Variants in PIBF1 observed in about 807,000 individuals in gnomAD.
The protein encoded by PIBF1 is progesterone immunomodulatory binding factor 1, also known as progesterone-induced-blocking factor 1.
Under a neutral mutation model 112.5 loss-of-function variants are expected in PIBF1, and 90 were observed. The ratio of observed to expected loss-of-function variants is 0.80; its 90% CI spans 0.67 to 0.95. The LOEUF is 0.95. PIBF1 is among the 40% of genes least tolerant of loss of function. PIBF1 has a pLI of 0.00. For missense variants in PIBF1, 915 were observed against 852.3 expected, an observed-to-expected ratio of 1.07 and a Z score of -0.92; for synonymous variants, 301 against 288.6, an observed-to-expected ratio of 1.04 and a Z score of -0.44.
intron 16 of PIBF1, among the ~76,000 whole-genome samples, chr13:72,978,372 A>T (rs977893537): frequency 6.6e-6 from 1 of 152,188 alleles, no homozygotes; most frequent in African/African-American, 2.4e-5. Flanking sequence ...AGAGTTAAAT[A>T]ACTCAACTGT....
intron 5 of PIBF1, among the ~76,000 whole-genome samples, chr13:72,802,925 G>A (rs2035552854): frequency 6.6e-6 from 1 of 152,192 alleles, no homozygotes; most frequent in Non-Finnish European, 1.5e-5. Context: ...AGAATTTTAT[G>A]TCCAGGAAAT....
At chr13:72,977,719 A>T (rs912389216) in intron 16 of PIBF1, among the ~76,000 whole-genome samples, 4 of 152,208 alleles carry the variant, frequency 2.6e-5, no homozygotes, top group Non-Finnish European at 5.9e-5. Flanking sequence ...TAGCTCAAAA[A>T]TATTAGCTTA....
intron 10 of PIBF1, among the ~76,000 whole-genome samples, chr13:72,886,439 C>G (rs58596257): frequency 0.1 from 15,316 of 151,444 alleles, 2,189 homozygotes; most frequent in African/African-American, 0.32. Flanking sequence ...TTTTATAACA[C>G]TGTTATAAAA....
At chr13:72,915,026 A>T (rs1566442072) in intron 12 of PIBF1, among the ~76,000 whole-genome samples, 2 of 152,236 alleles carry the variant, frequency 1.3e-5, no homozygotes, top group Admixed American at 6.5e-5. Context: ...ATAATAAAAA[A>T]TAATACATTT....
At chr13:72,799,346 A>G (rs1323636400) in intron 5 of PIBF1, among the ~76,000 whole-genome samples, 3 of 152,198 alleles carry the variant, frequency 2.0e-5, no homozygotes, top group African/African-American at 7.2e-5. Context: ...TTGCTGTACT[A>G]TTAGTCTTAG....
rs115837821 is a variant in PIBF1 at position 72,936,108 on chromosome 13, G to A, written c.1833+4841G>A. ...AGTGGTGTAATCATAGCTCATTGCAGCCTCGAACTCTTGGACTCAAGAGCC... is the reference window on the plus strand; with the variant it reads ...AGTGGTGTAATCATAGCTCATTGCAACCTCGAACTCTTGGACTCAAGAGCC... On this transcript the variant is annotated intron_variant, in intron 14 of 17. Coordinates refer to ENST00000326291, the MANE Select transcript of PIBF1 (RefSeq NM_006346.4). Among the ~76,000 whole-genome samples, 1,131 of 151,972 alleles carry A rather than the reference G, an allele frequency of 7.4e-3. 15 individuals are homozygous for A. The highest frequency in any genetic ancestry group is 0.025 in the African/African-American group (1,035 of 41,470).
At chr13:72,983,118 A>G (rs1453930046) in intron 16 of PIBF1, among the ~76,000 whole-genome samples, 3 of 152,060 alleles carry the variant, frequency 2.0e-5, no homozygotes, top group African/African-American at 4.8e-5. Flanking sequence ...ACTTGAGTCT[A>G]GGAATTTGAG....
chr13:72,802,152 C>T (rs189868392), intron 5 of PIBF1, among the ~76,000 whole-genome samples: 224 of 152,202 alleles, frequency 1.5e-3, no homozygotes, highest in Non-Finnish European at 2.7e-3. Context: ...TCAAAAGTTA[C>T]ACATGGATTT....
intron 13 of PIBF1, among the ~76,000 whole-genome samples, chr13:72,927,972 T>TACACAC (rs1488573854): frequency 5.5e-5 from 4 of 72,616 alleles, no homozygotes; most frequent in African/African-American, 1.8e-4. Flanking sequence ...CATATATATA[T>TACACAC]ATATACATAT....
intron 7 of PIBF1, 36 bp downstream of exon 7, chr13:72,827,154 C>T (rs1263917387): frequency 1.1e-5 from 11 of 1,044,272 alleles, no homozygotes; most frequent in Non-Finnish European, 1.5e-5. Flanking sequence ...TATTATATAG[C>T]ATAGTATTAG....
At chr13:72,910,905 C>T (rs916029046) in intron 12 of PIBF1, among the ~76,000 whole-genome samples, 2 of 152,172 alleles carry the variant, frequency 1.3e-5, no homozygotes, top group Non-Finnish European at 2.9e-5. Flanking sequence ...CCCAAAATCA[C>T]GAAATATATT....
chr13:72,866,835 C>A (rs751723308), intron 10 of PIBF1, among the ~76,000 whole-genome samples: 1 of 151,822 alleles, frequency 6.6e-6, no homozygotes, highest in Non-Finnish European at 1.5e-5. Context: ...TCAAGTGATT[C>A]CTGATTTTAA....
chr13:73,000,888 A>G (rs1208046942), intron 17 of PIBF1, among the ~76,000 whole-genome samples: 1 of 152,214 alleles, frequency 6.6e-6, no homozygotes, highest in African/African-American at 2.4e-5. Context: ...AAGATTCAAT[A>G]TTAGTTGGGT....
Position 72,956,201 on chromosome 13 carries a change from T to G in PIBF1, c.1834-9073T>G, listed in dbSNP as rs148388566. Among the ~76,000 whole-genome samples the G allele has an allele frequency of 7.6e-3, 1,156 of 152,274 alleles. 14 individuals are homozygous for G. Among genetic ancestry groups the G allele is most frequent in the Middle Eastern group, 0.014 (4 of 294 alleles). ...CTACTGTTGCCCAGTGTTTTTATTT[T>G]TCTGTCTCCATCCTATTTCCCATTA... On this transcript the variant is annotated intron_variant, in intron 14 of 17. Transcript: ENST00000326291.
intron 6 of PIBF1, among the ~76,000 whole-genome samples, chr13:72,826,785 A>G (rs896767532): frequency 1.3e-5 from 2 of 152,204 alleles, no homozygotes; most frequent in African/African-American, 2.4e-5. Context: ...TGTAGTTTGT[A>G]TATTCCTTAA....
At chr13:72,783,283 T>G (rs2034394213) in intron 1 of PIBF1, 140 bp from the exon 2 acceptor site, 2 of 474,542 alleles carry the variant, frequency 4.2e-6, no homozygotes, top group Non-Finnish European at 7.6e-6. Flanking sequence ...TTAACTTAAC[T>G]GCAATAATCT....
At chr13:72,931,918 G>A (rs547020772) in intron 14 of PIBF1, among the ~76,000 whole-genome samples, 15 of 137,542 alleles carry the variant, frequency 1.1e-4, no homozygotes, top group East Asian at 8.5e-4. Flanking sequence ...AAGTTTTTCC[G>A]TTTTTTTCTT....
intron 17 of PIBF1, among the ~76,000 whole-genome samples, chr13:73,015,533 A>G (rs2044358866): frequency 1.3e-5 from 2 of 152,242 alleles, no homozygotes; most frequent in African/African-American, 2.4e-5. Context: ...TATTATCTAT[A>G]TAGATGAGAC....
intron 11 of PIBF1, among the ~76,000 whole-genome samples, chr13:72,898,403 A>G (rs182156545): frequency 6.6e-6 from 1 of 152,170 alleles, no homozygotes; most frequent in East Asian, 1.9e-4. Context: ...ACCTCAAGGA[A>G]CTAGAGAAAC....
Sources: allele counts gnomAD v4.1 joint callset (sites outside exome capture counted in the v4.1 genomes callset), GRCh38; gene constraint gnomAD v4.1.1; transcripts MANE v1.5; gene names NCBI Gene and HGNC (gene_info 2026-07-23, HGNC 2026-07-21).